TMIGD3: variants seen among roughly 807,000 people sequenced by gnomAD.
The protein encoded by TMIGD3 is AD026 protein (AD026).
TMIGD3 carries 21 observed loss-of-function variants against 28.1 expected under a neutral mutation model. The observed-to-expected ratio is 0.75, with a 90% CI of 0.53 to 1.08. The LOEUF is 1.08. TMIGD3 is among the 50% of genes least tolerant of loss of function. TMIGD3 has a pLI of 0.00. For missense variants in TMIGD3, 416 were observed against 435.6 expected, an observed-to-expected ratio of 0.96 and a Z score of 0.40; for synonymous variants, 151 against 162.1, an observed-to-expected ratio of 0.93 and a Z score of 0.52.
At chr1:111,499,512 C>T in intron 1 of TMIGD3, 2 of 996,112 alleles carry the variant, frequency 2.0e-6, no homozygotes, top group Non-Finnish European at 2.4e-6. Flanking sequence ...TTTATTTTTT[C>T]TGTTCCCAAC....
intron 1 of TMIGD3, among the ~76,000 whole-genome samples, chr1:111,534,445 G>A (rs1186331498): frequency 2.0e-5 from 3 of 152,200 alleles, no homozygotes; most frequent in African/African-American, 7.2e-5. Context: ...AGCTCCTAAA[G>A]GACAGGACTG....
chr1:111,542,340 T>A, intron 1 of TMIGD3: 1 of 419,232 alleles, frequency 2.4e-6, no homozygotes, highest in Non-Finnish European at 4.9e-6. Context: ...TCTGTGTGGC[T>A]CCTTCCACGT....
chr1:111,490,107 T>C (rs1654583821), intron 2 of TMIGD3, among the ~76,000 whole-genome samples: 1 of 152,136 alleles, frequency 6.6e-6, no homozygotes, highest in Non-Finnish European at 1.5e-5. Flanking sequence ...CAACTCTAAA[T>C]GCCACACAAC....
Position 111,524,046 on chromosome 1 carries a change from T to TGG in TMIGD3, c.108-33285_108-33284insCC, listed in dbSNP as rs1656174682. ...TTCTTTTCTTTTTTTTTTTTTTTTT[T>TGG]TGGGATGGAATCTTGCTCTGTCGCC... On this transcript the variant is annotated intron_variant, in intron 1 of 5. Coordinates refer to the TMIGD3 transcript ENST00000369717. Among the ~76,000 whole-genome samples the TGG allele has an allele frequency of 5.0e-5, 4 of 80,004 alleles. No homozygotes were observed. The South Asian group carries it at 1.2e-3, about 25-fold the overall frequency. The allele number at this position is 80,004 out of a possible 152,430, so 52.5% of individuals were successfully genotyped here.
intron 1 of TMIGD3, among the ~76,000 whole-genome samples, chr1:111,548,652 A>G (rs1047867085): frequency 6.6e-6 from 1 of 152,164 alleles, no homozygotes; most frequent in African/African-American, 2.4e-5. Context: ...CACAAACAAG[A>G]TTAATTTTTT....
At chr1:111,522,926 C>A (rs1656129213) in intron 1 of TMIGD3, among the ~76,000 whole-genome samples, 1 of 152,100 alleles carries the variant, frequency 6.6e-6, no homozygotes, top group Non-Finnish European at 1.5e-5. Context: ...AATCATTTCA[C>A]CTGCAAAAAA....
intron 1 of TMIGD3, among the ~76,000 whole-genome samples, chr1:111,508,833 A>G (rs1439923415): frequency 2.0e-5 from 3 of 152,208 alleles, no homozygotes; most frequent in Non-Finnish European, 2.9e-5. Flanking sequence ...GCGGTGGCTC[A>G]TGCCTGTAAT....
intron 1 of TMIGD3, among the ~76,000 whole-genome samples, chr1:111,514,198 C>T (rs756517773): frequency 2.0e-5 from 3 of 152,066 alleles, no homozygotes; most frequent in Admixed American, 6.5e-5. Flanking sequence ...AGGTGCAACT[C>T]GCCATTTCAG....
At chr1:111,506,926 T>TATATATTATATATATATATATAC (rs1553201738), upstream of TMIGD3, among the ~76,000 whole-genome samples, 1 of 134,832 alleles carries the variant, frequency 7.4e-6, no homozygotes, top group African/African-American at 2.7e-5. Context: ...TATATATATA[T>TATATATTATATATATATATATAC]ACACACACAC....
chr1:111,514,749 C>G (rs558843282), intron 1 of TMIGD3, among the ~76,000 whole-genome samples: 1 of 152,014 alleles, frequency 6.6e-6, no homozygotes, highest in Non-Finnish European at 1.5e-5. Flanking sequence ...TCAGACTTCC[C>G]CATGCAGTAA....
chr1:111,486,766 G>T, intron 3 of TMIGD3, 114 bp from the exon 4 acceptor site: 2 of 878,100 alleles, frequency 2.3e-6, no homozygotes, highest in South Asian at 1.4e-5. Context: ...TCCCCTGGTT[G>T]ACTCCAGAGT....
At chr1:111,553,275 A>C (rs529366167) in intron 1 of TMIGD3, among the ~76,000 whole-genome samples, 78 of 152,366 alleles carry the variant, frequency 5.1e-4, no homozygotes, top group African/African-American at 1.8e-3. Flanking sequence ...AGAAGATTTG[A>C]GTTTCCTAGG....
At chr1:111,522,811 T>A (rs2101005162) in intron 1 of TMIGD3, among the ~76,000 whole-genome samples, 1 of 152,306 alleles carries the variant, frequency 6.6e-6, no homozygotes, top group Middle Eastern at 3.4e-3. Flanking sequence ...CCACCACGCC[T>A]GGCTGGTATT....
intron 1 of TMIGD3, among the ~76,000 whole-genome samples, chr1:111,509,833 G>A (rs1051271715): frequency 2.0e-5 from 3 of 152,204 alleles, no homozygotes; most frequent in Non-Finnish European, 2.9e-5. Context: ...TTCTATATCA[G>A]TCCTGCTGGG....
upstream of TMIGD3, among the ~76,000 whole-genome samples, chr1:111,506,549 G>A (rs952947399): frequency 5.9e-5 from 9 of 152,208 alleles, no homozygotes; most frequent in Admixed American, 2.0e-4. Context: ...CTTCTGCTTC[G>A]GAGCCCAGGT....
At chr1:111,547,811 A>G (rs926495378) in intron 1 of TMIGD3, among the ~76,000 whole-genome samples, 1 of 151,960 alleles carries the variant, frequency 6.6e-6, no homozygotes, top group Non-Finnish European at 1.5e-5. Flanking sequence ...GTGGAGAAAG[A>G]CTCTCTGGTG....
intron 1 of TMIGD3, among the ~76,000 whole-genome samples, chr1:111,497,556 C>T (rs2100972512): frequency 6.6e-6 from 1 of 152,196 alleles, no homozygotes; most frequent in South Asian, 2.1e-4. Flanking sequence ...GCTTATGGAA[C>T]ACCTTAAGTC....
At chr1:111,497,512 G>A (rs1332513289) in intron 1 of TMIGD3, among the ~76,000 whole-genome samples, 1 of 152,072 alleles carries the variant, frequency 6.6e-6, no homozygotes, top group African/African-American at 2.4e-5. Context: ...AGTTTACTTC[G>A]AAAGACATTT....
At chr1:111,484,147 T>C (rs768931458) in intron 5 of TMIGD3, among the ~76,000 whole-genome samples, 11 of 152,222 alleles carry the variant, frequency 7.2e-5, no homozygotes, top group Non-Finnish European at 8.8e-5. Context: ...TCTTTCATAG[T>C]ATCATGTGCC....
Sources: gnomAD v4.1 joint callset for allele counts (sites outside exome capture counted in the v4.1 genomes callset) on GRCh38, gnomAD v4.1.1 for gene constraint, MANE v1.5 for transcripts, NCBI Gene and HGNC (gene_info 2026-07-23, HGNC 2026-07-21) for gene names.